Variants in R3HCC1L observed in about 807,000 individuals in gnomAD.
R3HCC1L encodes the protein R3H domain and coiled-coil containing 1 like.
R3HCC1L carries 51 observed loss-of-function variants against 59.9 expected under a neutral mutation model. That is an observed-to-expected ratio of 0.85 (90% CI 0.68 to 1.07). The LOEUF is 1.07. Ranked by LOEUF, R3HCC1L falls within the 50% of genes least tolerant of loss-of-function variation. The pLI, the probability that R3HCC1L is intolerant of heterozygous loss-of-function variation, is 0.00. For synonymous variants in R3HCC1L, 322 were observed against 315.2 expected (o/e 1.02, Z -0.23); for missense variants, 965 against 933.0 (o/e 1.03, Z -0.45).
chr10:98,216,635 C>T (rs747355817), intron 5 of R3HCC1L, among the ~76,000 whole-genome samples: 6 of 152,086 alleles, frequency 3.9e-5, no homozygotes, highest in Admixed American at 1.3e-4. Context: ...TGCAGTGGCA[C>T]GATCTTAGCT....
chr10:98,219,970 T>C (rs1278976222), intron 5 of R3HCC1L, among the ~76,000 whole-genome samples: 1 of 152,190 alleles, frequency 6.6e-6, no homozygotes, highest in Non-Finnish European at 1.5e-5. Context: ...TTAAATAGGT[T>C]TTTTGTGCCT....
At chr10:98,153,362 G>A (rs778976322) in intron 1 of R3HCC1L, among the ~76,000 whole-genome samples, 1 of 152,102 alleles carries the variant, frequency 6.6e-6, no homozygotes, top group Non-Finnish European at 1.5e-5. Flanking sequence ...AGGGTTAAAT[G>A]GATTAAGGGC....
chr10:98,168,566 A>T (rs566361503), intron 4 of R3HCC1L, among the ~76,000 whole-genome samples: 2 of 152,202 alleles, frequency 1.3e-5, no homozygotes, highest in African/African-American at 2.4e-5. Flanking sequence ...CTTGATACTC[A>T]GTTTTTTCAT....
chr10:98,226,977 G>A (rs1415882967), intron 5 of R3HCC1L, among the ~76,000 whole-genome samples: 1 of 152,152 alleles, frequency 6.6e-6, no homozygotes, highest in African/African-American at 2.4e-5. Context: ...CAGCTCTCTG[G>A]TAAACTCAAG....
Position 98,221,650 on chromosome 10 carries a change from G to T in R3HCC1L, c.1786-9862G>T, listed in dbSNP as rs1198192994. ...TTAAATAGGGAATCCTTTCCCCATT[G>T]CTTGTTTTTGTCAGGTTTGTCAAAG... On this transcript the variant is annotated intron_variant, in intron 5 of 9. Coordinates refer to ENST00000298999, the MANE Select transcript of R3HCC1L (RefSeq NM_001351015.2). Among the ~76,000 whole-genome samples the T allele has an allele frequency of 9.3e-3, 1,413 of 151,690 alleles. 20 individuals carry two copies. The highest frequency in any genetic ancestry group is 0.032 in the African/African-American group (1,313 of 41,316).
intron 1 of R3HCC1L, among the ~76,000 whole-genome samples, chr10:98,146,727 C>A (rs757617701): frequency 6.6e-6 from 1 of 152,172 alleles, no homozygotes; most frequent in Non-Finnish European, 1.5e-5. Flanking sequence ...CAGAGAGACT[C>A]CCAATTTCAT....
At chr10:98,218,012 T>C (rs1480052648) in intron 5 of R3HCC1L, among the ~76,000 whole-genome samples, 1 of 152,188 alleles carries the variant, frequency 6.6e-6, no homozygotes, top group East Asian at 1.9e-4. Flanking sequence ...TATTTCTCTT[T>C]CCTGTTGCTC....
intron 1 of R3HCC1L, among the ~76,000 whole-genome samples, chr10:98,139,850 CT>C (rs563529648): frequency 2.0e-5 from 3 of 148,068 alleles, no homozygotes; most frequent in South Asian, 2.2e-4. Context: ...CTTCTTGTAT[CT>C]TTTTTTTTAA....
intron 4 of R3HCC1L, among the ~76,000 whole-genome samples, chr10:98,196,943 G>T (rs113239904): frequency 6.6e-5 from 10 of 152,114 alleles, no homozygotes; most frequent in Non-Finnish European, 1.2e-4. Flanking sequence ...TTGAGACAGG[G>T]TCTTACTCTG....
rs1855145763 is a variant in R3HCC1L, at chr10:98,222,592, G to T, written c.1786-8920G>T. The stretch of plus-strand genomic sequence containing the variant: ...TTATTGGGAGTTTTTAGCATGAAGG[G>T]TTGTTGAATTTTGTCAAAGGCTTTT... On this transcript the variant is annotated intron_variant, in intron 5 of 9. Coordinates refer to ENST00000298999, the MANE Select transcript of R3HCC1L (RefSeq NM_001351015.2). Among the ~76,000 whole-genome samples the T allele has an allele frequency of 3.3e-5, 5 of 152,166 alleles. 1 individual carries two copies. In the South Asian group the frequency reaches 1.0e-3, roughly 32 times the overall value.
At chr10:98,153,822 A>G (rs1846539969) in intron 1 of R3HCC1L, among the ~76,000 whole-genome samples, 1 of 151,770 alleles carries the variant, frequency 6.6e-6, no homozygotes, top group Non-Finnish European at 1.5e-5. Flanking sequence ...AAAAAAAAGA[A>G]ATTCCAGAAG....
At chr10:98,210,150 A>C (rs1853398123) in intron 5 of R3HCC1L, among the ~76,000 whole-genome samples, 1 of 152,226 alleles carries the variant, frequency 6.6e-6, no homozygotes, top group African/African-American at 2.4e-5. Flanking sequence ...GATTTTAACT[A>C]TCTGTCAAGG....
intron 4 of R3HCC1L, among the ~76,000 whole-genome samples, chr10:98,183,958 G>GTTTTTTTTTTTTTTTT (rs71007380): frequency 1.6e-5 from 2 of 126,562 alleles, no homozygotes; most frequent in African/African-American, 3.0e-5. Context: ...TCCTTTTTCG[G>GTTTTTTTTTTTTTTTT]TTTTTTTTTT....
At chr10:98,190,977 A>G (rs1401307640) in intron 4 of R3HCC1L, among the ~76,000 whole-genome samples, 2 of 152,180 alleles carry the variant, frequency 1.3e-5, no homozygotes, top group South Asian at 2.1e-4. Flanking sequence ...TGCAAAGGAC[A>G]TGAACTCATC....
intron 5 of R3HCC1L, among the ~76,000 whole-genome samples, chr10:98,226,812 G>C (rs1855723126): frequency 6.6e-6 from 1 of 152,024 alleles, no homozygotes. Flanking sequence ...ATTTATTAAA[G>C]TTTAACTGAT....
chr10:98,208,651 A>T lies in R3HCC1L; in HGVS notation c.537A>T (p.Pro179=), dbSNP rs753726893. 1 of 1,614,064 alleles carries T rather than the reference A, an allele frequency of 6.2e-7. No individual in the cohort carries two copies. The highest frequency in any genetic ancestry group is 1.1e-5 in the South Asian group (1 of 91,088). ...GCGAGGCTCAAGTTCCAAGCAAACCATTCCAAAATGTGGAATTCTGTGACT... is the reference window on the plus strand; with the variant it reads ...GCGAGGCTCAAGTTCCAAGCAAACCTTTCCAAAATGTGGAATTCTGTGACT... ...EISEAQVPSK[P]FQNVEFCDFS... Residue 179 remains proline, a synonymous_variant, in exon 5 of 10, where the codon CCA becomes CCT. Coordinates refer to ENST00000298999, the MANE Select transcript of R3HCC1L (RefSeq NM_001351015.2).
chr10:98,231,437 G>A lies in R3HCC1L; in HGVS notation c.1786-75G>A, dbSNP rs192172457. 2.5e-3 allele frequency: 3,348 copies of A among 1,350,792 alleles called. 50 individuals carry two copies. The highest frequency in any genetic ancestry group is 0.017 in the Admixed American group (772 of 46,074). 83.7% of individuals were successfully genotyped at this position (1,350,792 alleles called of 1,614,324 possible). A position where few individuals can be genotyped will look rare whatever the true frequency, so the allele number is the denominator to read the frequency against. Reference sequence around the variant, plus strand: ...ACATGTAGAGAAAGGGAGGAGGATTGTTTATATATAGGAATATATTTTACA... The same window carrying A: ...ACATGTAGAGAAAGGGAGGAGGATTATTTATATATAGGAATATATTTTACA... On this transcript the variant is annotated intron_variant, in intron 5 of 9. Coordinates refer to ENST00000298999, the MANE Select transcript of R3HCC1L (RefSeq NM_001351015.2).
intron 9 of R3HCC1L, among the ~76,000 whole-genome samples, chr10:98,241,598 T>G (rs768904645): frequency 6.6e-6 from 1 of 152,212 alleles, no homozygotes; most frequent in Non-Finnish European, 1.5e-5. Flanking sequence ...TTGTTGGAGG[T>G]CAAGTTAGTA....
chr10:98,209,089 T>TAGTCC lies in R3HCC1L; in HGVS notation c.979_983dup (p.Met329GlnfsTer2). 1 of 1,614,042 alleles carries TAGTCC rather than the reference T, an allele frequency of 6.2e-7. No individual in the cohort carries two copies. On this transcript the variant is annotated frameshift_variant, in exon 5 of 10. Transcript: ENST00000298999. LOFTEE classifies it high-confidence loss of function. The stretch of plus-strand genomic sequence containing the variant: ...TGTCAGAGAGCACAAATGACACTGT[T>TAGTCC]AGTCCAGTAATGATTAGAGAATGTG...
Sources: gnomAD v4.1 joint callset for allele counts (sites outside exome capture counted in the v4.1 genomes callset) on GRCh38, gnomAD v4.1.1 for gene constraint, MANE v1.5 for transcripts, NCBI Gene and HGNC (gene_info 2026-07-23, HGNC 2026-07-21) for gene names.